DPYD: variants seen among roughly 807,000 people sequenced by gnomAD.
The protein encoded by DPYD is dihydropyrimidine dehydrogenase [NADP(+)].
DPYD carries 109 observed loss-of-function variants against 116.2 expected under a neutral mutation model. The observed-to-expected ratio is 0.94, with a 90% CI of 0.80 to 1.10. The LOEUF (loss-of-function observed/expected upper bound fraction) is 1.10. DPYD is among the 50% of genes least tolerant of loss of function. The pLI is 0.00. For synonymous variants in DPYD, 440 were observed against 432.0 expected (o/e 1.02, Z -0.23); for missense variants, 1,302 against 1,254.5 (o/e 1.04, Z -0.57).
chr1:97,275,332 C>T (rs949438652), intron 18 of DPYD, among the ~76,000 whole-genome samples: 1 of 152,192 alleles, frequency 6.6e-6, no homozygotes. Context: ...CCCCATGGAG[C>T]TCCTACAGAT....
At chr1:97,696,874 C>CCT (rs1661337206) in intron 6 of DPYD, among the ~76,000 whole-genome samples, 4 of 152,038 alleles carry the variant, frequency 2.6e-5, no homozygotes, top group Admixed American at 2.6e-4. Flanking sequence ...TTCACCTAGA[C>CCT]CTCATTTCTC....
intron 20 of DPYD, among the ~76,000 whole-genome samples, chr1:97,163,492 A>C (rs990070148): frequency 1.1e-4 from 17 of 152,186 alleles, no homozygotes; most frequent in Non-Finnish European, 2.4e-4. Flanking sequence ...TGCTATAAAA[A>C]ATGGTACAGA....
chr1:97,364,766 A>G (rs983373318), intron 16 of DPYD, among the ~76,000 whole-genome samples: 6 of 152,172 alleles, frequency 3.9e-5, no homozygotes, highest in African/African-American at 7.2e-5. Context: ...GGCTTCCCCA[A>G]TGATCATGAC....
At chr1:97,492,871 A>G (rs1679047272) in intron 13 of DPYD, among the ~76,000 whole-genome samples, 1 of 152,176 alleles carries the variant, frequency 6.6e-6, no homozygotes, top group African/African-American at 2.4e-5. Flanking sequence ...TACTGCTTCA[A>G]TATTCTAAAA....
At chr1:97,919,056 C>T (rs1243655207) in intron 1 of DPYD, among the ~76,000 whole-genome samples, 2 of 152,146 alleles carry the variant, frequency 1.3e-5, no homozygotes, top group African/African-American at 2.4e-5. Flanking sequence ...TGAATGTGCT[C>T]CCCTAAGCTT....
At chr1:97,364,068 G>A (rs576774244) in intron 16 of DPYD, among the ~76,000 whole-genome samples, 2 of 151,942 alleles carry the variant, frequency 1.3e-5, no homozygotes, top group African/African-American at 4.8e-5. Context: ...TATCTATACA[G>A]ATATTAGAAG....
At chr1:97,399,207 C>T (rs1198115954) in intron 14 of DPYD, among the ~76,000 whole-genome samples, 1 of 152,142 alleles carries the variant, frequency 6.6e-6, no homozygotes, top group Admixed American at 6.6e-5. Flanking sequence ...ATAGGGAATC[C>T]TTTCCCCATT....
chr1:97,558,173 T>TTTCTAGTGAATTCTAGTTAA (rs1651885273), intron 11 of DPYD, among the ~76,000 whole-genome samples: 1 of 152,144 alleles, frequency 6.6e-6, no homozygotes, highest in African/African-American at 2.4e-5. Context: ...TTTCCCCCCC[T>TTTCTAGTGAATTCTAGTTAA]TTCTAGTGAA....
chr1:97,323,541 A>C (rs1484583561), intron 16 of DPYD, among the ~76,000 whole-genome samples: 1 of 120,538 alleles, frequency 8.3e-6, no homozygotes, highest in Non-Finnish European at 1.8e-5. Flanking sequence ...TATACATATC[A>C]TATATATACA....
chr1:97,121,686 G>T (rs2101646459), intron 20 of DPYD, among the ~76,000 whole-genome samples: 1 of 152,258 alleles, frequency 6.6e-6, no homozygotes, highest in South Asian at 2.1e-4. Context: ...TGGTACGGGA[G>T]AAGGAGCCAA....
chr1:97,316,342 G>GAA (rs58765306), intron 16 of DPYD, among the ~76,000 whole-genome samples: 66 of 139,832 alleles, frequency 4.7e-4, no homozygotes, highest in Middle Eastern at 3.6e-3. Flanking sequence ...GTAAAAAAAA[G>GAA]AAAAAAAAAA....
chr1:97,466,299 CT>C (rs1389471730), intron 13 of DPYD, among the ~76,000 whole-genome samples: 4 of 152,164 alleles, frequency 2.6e-5, no homozygotes, highest in Non-Finnish European at 5.9e-5. Flanking sequence ...GGTTAAAATA[CT>C]GATTGAGACC....
chr1:97,329,689 G>T (rs993937320), intron 16 of DPYD, among the ~76,000 whole-genome samples: 7 of 150,128 alleles, frequency 4.7e-5, no homozygotes, highest in Admixed American at 2.0e-4. Context: ...GGAGGTGGAG[G>T]TTACAGTGAG....
At chr1:97,171,708 A>G (rs970727427) in intron 20 of DPYD, among the ~76,000 whole-genome samples, 1 of 152,198 alleles carries the variant, frequency 6.6e-6, no homozygotes, top group Non-Finnish European at 1.5e-5. Flanking sequence ...AATAACAACC[A>G]TTGAAGGTTT....
intron 20 of DPYD, among the ~76,000 whole-genome samples, chr1:97,172,419 T>A (rs1200887454): frequency 6.6e-6 from 1 of 152,188 alleles, no homozygotes; most frequent in East Asian, 1.9e-4. Flanking sequence ...TGGGAATTCA[T>A]ATGAATTTGT....
intron 9 of DPYD, among the ~76,000 whole-genome samples, chr1:97,593,958 G>A (rs1654705404): frequency 1.3e-5 from 2 of 151,958 alleles, no homozygotes; most frequent in South Asian, 4.2e-4. Context: ...CCCTTTCACT[G>A]CTTTCCTCTG....
chr1:97,336,292 A>G (rs1187102405), intron 16 of DPYD, among the ~76,000 whole-genome samples: 1 of 152,190 alleles, frequency 6.6e-6, no homozygotes, highest in Non-Finnish European at 1.5e-5. Flanking sequence ...GCCCAAATCA[A>G]TTTTGAAAGT....
chr1:97,893,322 C>G (rs746988497), intron 1 of DPYD, among the ~76,000 whole-genome samples: 3 of 150,528 alleles, frequency 2.0e-5, no homozygotes, highest in Non-Finnish European at 4.4e-5. Flanking sequence ...GCCCTAAGCC[C>G]TGCAATTTCA....
intron 18 of DPYD, among the ~76,000 whole-genome samples, chr1:97,290,172 G>T (rs1373740908): frequency 2.6e-5 from 4 of 152,144 alleles, no homozygotes; most frequent in Non-Finnish European, 5.9e-5. Context: ...ACAAACCACT[G>T]CTCAAGGAAA....
Sources: allele counts gnomAD v4.1 joint callset (sites outside exome capture counted in the v4.1 genomes callset), GRCh38; gene constraint gnomAD v4.1.1; transcripts MANE v1.5; gene names NCBI Gene and HGNC (gene_info 2026-07-23, HGNC 2026-07-21).